NEDD4L: variants seen among roughly 807,000 people sequenced by gnomAD.
The protein encoded by NEDD4L is E3 ubiquitin-protein ligase NEDD4-like.
Under a neutral mutation model 148.9 loss-of-function variants are expected in NEDD4L, and 54 were observed. The observed-to-expected ratio is 0.36, with a 90% CI of 0.29 to 0.45. The LOEUF is 0.45. Among genes scored for constraint, NEDD4L ranks in the 20% least tolerant of loss-of-function variants. The pLI, the probability that NEDD4L is intolerant of heterozygous loss-of-function variation, is 1.00. For missense variants in NEDD4L, 856 were observed against 1,233.8 expected, an observed-to-expected ratio of 0.69 and a Z score of 4.59; for synonymous variants, 433 against 440.7, an observed-to-expected ratio of 0.98 and a Z score of 0.22.
At chr18:58,226,315 A>G (rs758695022) in intron 2 of NEDD4L, among the ~76,000 whole-genome samples, 1 of 152,342 alleles carries the variant, frequency 6.6e-6, no homozygotes, top group East Asian at 1.9e-4. Context: ...GCACCATTGA[A>G]GGCAAAAGTG....
intron 1 of NEDD4L, among the ~76,000 whole-genome samples, chr18:58,127,672 C>T (rs113425374): frequency 6.6e-6 from 1 of 151,982 alleles, no homozygotes; most frequent in African/African-American, 2.4e-5. Context: ...AACCCCATCT[C>T]TACTAAAAAA....
At chr18:58,133,095 G>C (rs2032379920) in intron 1 of NEDD4L, among the ~76,000 whole-genome samples, 2 of 152,226 alleles carry the variant, frequency 1.3e-5, no homozygotes, top group Non-Finnish European at 1.5e-5. Flanking sequence ...GTGGAACTGA[G>C]TAAATTCTGT....
chr18:58,343,772 A>G (rs992446298), intron 16 of NEDD4L, among the ~76,000 whole-genome samples: 1 of 152,222 alleles, frequency 6.6e-6, no homozygotes, highest in Non-Finnish European at 1.5e-5. Context: ...TCAAAGGCAA[A>G]TATGCATATC....
chr18:58,084,467 GGTGGTGGTGT>G (rs992721277), intron 1 of NEDD4L, among the ~76,000 whole-genome samples: 5 of 152,140 alleles, frequency 3.3e-5, no homozygotes, highest in Non-Finnish European at 5.9e-5. Context: ...GAAAGATGGG[GGTGGTGGTGT>G]GTTAGTTTTT....
chr18:58,174,793 C>G (rs1421550095), intron 2 of NEDD4L, among the ~76,000 whole-genome samples: 6 of 151,914 alleles, frequency 3.9e-5, no homozygotes, highest in Admixed American at 6.6e-5. Context: ...ATTTTTTTTC[C>G]CCAGGTGACC....
intron 2 of NEDD4L, among the ~76,000 whole-genome samples, chr18:58,242,231 C>T (rs973199197): frequency 2.6e-5 from 4 of 152,186 alleles, no homozygotes; most frequent in African/African-American, 9.7e-5. Flanking sequence ...GAACCTCACA[C>T]GTCTCCTAAG....
intron 5 of NEDD4L, among the ~76,000 whole-genome samples, chr18:58,254,505 AAC>A (rs2048278052): frequency 6.6e-6 from 1 of 151,492 alleles, no homozygotes; most frequent in African/African-American, 2.4e-5. Context: ...CTTACTGGAA[AAC>A]AGTCAGCTCT....
Position 58,400,751 on chromosome 18 carries a change from G to A in NEDD4L, c.*4482G>A, listed in dbSNP as rs978990738. ...CAGTGCATCATCAGAAGCCTTCCTC[G>A]TGACCATAACTCTGTGTCTGCAGAT... On this transcript the variant is annotated 3_prime_UTR_variant, in exon 31 of 31. Coordinates refer to ENST00000400345, the MANE Select transcript of NEDD4L (RefSeq NM_001144967.3). 5 of 152,114 alleles carry A rather than the reference G, an allele frequency of 3.3e-5. No individual in the cohort carries two copies. Among genetic ancestry groups the A allele is most frequent in the African/African-American group, 4.8e-5 (2 of 41,400 alleles). 9.4% of individuals were successfully genotyped at this position (152,114 alleles called of 1,614,324 possible). A position where few individuals can be genotyped will look rare whatever the true frequency, so the allele number is the denominator to read the frequency against.
intron 24 of NEDD4L, among the ~76,000 whole-genome samples, chr18:58,378,713 T>C (rs967246014): frequency 6.6e-6 from 1 of 152,190 alleles, no homozygotes; most frequent in Non-Finnish European, 1.5e-5. Flanking sequence ...CACCCATCAG[T>C]GGGCGTTTGC....
At position 58,179,869 on chromosome 18, in the gene NEDD4L, C is replaced by T. The variant is rs144395683; in HGVS notation, c.122+14008C>T. 6.3e-3 allele frequency among the ~76,000 whole-genome samples: 956 copies of T among 152,062 alleles called. 11 individuals carry two copies. The highest frequency in any genetic ancestry group is 0.022 in the African/African-American group (904 of 41,458). ...TAATAATAATAGAAATAAAGTGCAC[C>T]ATAAATGTAATGCCCTTGAATCATC... On this transcript the variant is annotated intron_variant, in intron 2 of 30. Coordinates refer to ENST00000400345, the MANE Select transcript of NEDD4L (RefSeq NM_001144967.3).
At chr18:58,076,609 T>C (rs2083170351) in intron 1 of NEDD4L, among the ~76,000 whole-genome samples, 1 of 150,566 alleles carries the variant, frequency 6.6e-6, no homozygotes, top group African/African-American at 2.5e-5. Flanking sequence ...TACCTTTGAG[T>C]AGTGGGTAAA....
chr18:58,364,971 A>C lies in NEDD4L; in HGVS notation c.1833+638A>C, dbSNP rs561010384. 9.1e-4 allele frequency among the ~76,000 whole-genome samples: 138 copies of C among 152,216 alleles called. 1 individual carries two copies. Among genetic ancestry groups the C allele is most frequent in the Non-Finnish European group, 1.1e-3 (74 of 68,022 alleles). On this transcript the variant is annotated intron_variant, in intron 20 of 30. Coordinates refer to ENST00000400345, the MANE Select transcript of NEDD4L (RefSeq NM_001144967.3). Reference sequence around the variant, plus strand: ...TTTTACTTTCCGATTCCTCCTTAGCAGTTTTCTCTTCAATTTTCTCCATCA... The same window carrying C: ...TTTTACTTTCCGATTCCTCCTTAGCCGTTTTCTCTTCAATTTTCTCCATCA...
intron 9 of NEDD4L, among the ~76,000 whole-genome samples, chr18:58,326,331 GCTCAGGACAGCAAAATGGT>G (rs2059311217): frequency 1.3e-5 from 2 of 152,202 alleles, no homozygotes; most frequent in African/African-American, 4.8e-5. Flanking sequence ...ACGGGCATTA[GCTCAGGACAGCAAAATGGT>G]CTCAGGACAG....
At chr18:58,301,136 A>G (rs1476030999) in intron 5 of NEDD4L, among the ~76,000 whole-genome samples, 1 of 152,144 alleles carries the variant, frequency 6.6e-6, no homozygotes, top group Non-Finnish European at 1.5e-5. Flanking sequence ...TTTCCTTTAA[A>G]CTATGGAAGA....
chr18:58,152,039 G>A (rs1334320655), intron 1 of NEDD4L, among the ~76,000 whole-genome samples: 1 of 151,874 alleles, frequency 6.6e-6, no homozygotes, highest in Non-Finnish European at 1.5e-5. Flanking sequence ...GAGATAAAGT[G>A]GTTGTACCTC....
At position 58,197,304 on chromosome 18, in the gene NEDD4L, C is replaced by T. The variant is rs532257096; in HGVS notation, c.122+31443C>T. On this transcript the variant is annotated intron_variant, in intron 2 of 30. Coordinates refer to ENST00000400345, the MANE Select transcript of NEDD4L (RefSeq NM_001144967.3). ...TTCCTTACCTGTAAGCTGCTTTGCA[C>T]GCAAGGTGATGGTTCTACCTCATAA... 5.3e-5 allele frequency among the ~76,000 whole-genome samples: 8 copies of T among 152,250 alleles called. No individual in the cohort carries two copies. In the South Asian group the frequency reaches 6.2e-4, roughly 12 times the overall value.
intron 5 of NEDD4L, among the ~76,000 whole-genome samples, chr18:58,258,210 A>G (rs1352412939): frequency 6.6e-6 from 1 of 152,194 alleles, no homozygotes; most frequent in African/African-American, 2.4e-5. Flanking sequence ...ACCATGTATT[A>G]CACAATGGTA....
chr18:58,054,026 A>G (rs1333108649), intron 1 of NEDD4L, among the ~76,000 whole-genome samples: 2 of 152,232 alleles, frequency 1.3e-5, no homozygotes, highest in African/African-American at 4.8e-5. Context: ...GACCCTTTCT[A>G]TTAATTTTTC....
chr18:58,128,194 C>G (rs2031477685), intron 1 of NEDD4L, among the ~76,000 whole-genome samples: 1 of 152,144 alleles, frequency 6.6e-6, no homozygotes. Context: ...CTACAGGCTC[C>G]CGCCACTGCA....
Sources: allele counts gnomAD v4.1 joint callset (sites outside exome capture counted in the v4.1 genomes callset), GRCh38; gene constraint gnomAD v4.1.1; transcripts MANE v1.5; gene names NCBI Gene and HGNC (gene_info 2026-07-23, HGNC 2026-07-21).